The following ARMCX4 variants were observed in gnomAD, a reference collection of about 807,000 sequenced individuals.
ARMCX4 encodes the protein armadillo repeat-containing X-linked protein 4.
In ARMCX4, 3 loss-of-function variants were observed where a neutral mutation model predicts 34.7. The ratio of observed to expected loss-of-function variants is 0.09; its 90% CI spans 0.04 to 0.22. The LOEUF (loss-of-function observed/expected upper bound fraction) is 0.22. Among genes scored for constraint, ARMCX4 ranks in the 10% least tolerant of loss-of-function variants. ARMCX4 has a pLI of 1.00. For missense variants in ARMCX4, 1,448 were observed against 1,720.8 expected (o/e 0.84, Z 2.81); for synonymous variants, 513 against 632.8 (o/e 0.81, Z 2.84).
intron 2 of ARMCX4, among the ~76,000 whole-genome samples, chrX:101,431,607 A>C (rs1393694354): frequency 1.8e-5 from 2 of 111,282 alleles, no homozygotes; most frequent in East Asian, 2.8e-4. Flanking sequence ...GCAGTGGCAC[A>C]ATCTCGGCTC....
At chrX:101,438,495 G>T (rs1930976489) in intron 2 of ARMCX4, among the ~76,000 whole-genome samples, 1 of 111,060 alleles carries the variant, frequency 9.0e-6, no homozygotes, top group African/African-American at 3.3e-5. Context: ...AACCCGGGAG[G>T]CAGAGCTTGC....
chrX:101,487,958 A>G lies in ARMCX4; in HGVS notation c.-202-86A>G, dbSNP rs1556007294. On this transcript the variant is annotated intron_variant, in intron 4 of 5. Coordinates refer to ENST00000423738, the MANE Select transcript of ARMCX4 (RefSeq NM_001256155.3). ...CTAATAATATGTCTGTCCCATCAAG[A>G]ACAAACTCTCTACTCCCATCTGTCC... 6.2e-6 allele frequency: 3 copies of G among 486,296 alleles called. No individual in the cohort carries two copies. In the East Asian group the frequency reaches 2.7e-4, roughly 44 times the overall value. 40.1% of individuals were successfully genotyped at this position (486,296 alleles called of 1,213,427 possible). A position where few individuals can be genotyped will look rare whatever the true frequency, so the allele number is the denominator to read the frequency against.
intron 4 of ARMCX4, among the ~76,000 whole-genome samples, chrX:101,469,970 A>C (rs781985890): frequency 8.9e-6 from 1 of 112,186 alleles, no homozygotes; most frequent in South Asian, 3.8e-4. Flanking sequence ...ATGGCTGCAG[A>C]ACTGCCCCAG....
Position 101,495,129 on chromosome X carries a change from A to G in ARMCX4, c.6540A>G (p.Lys2180=). ...RLLTVGSGET[K]DHVLGMLLNF... ...TAACGGTGGGAAGTGGAGAAACTAAAGACCATGTTTTGGGAATGCTTTTGA... is the reference window on the plus strand; with the variant it reads ...TAACGGTGGGAAGTGGAGAAACTAAGGACCATGTTTTGGGAATGCTTTTGA... Residue 2180 remains lysine (K), a synonymous_variant, in exon 6 of 6, where the codon AAA becomes AAG. Transcript: ENST00000423738. 2 of 1,156,183 alleles carry G rather than the reference A, an allele frequency of 1.7e-6. No individual in the cohort carries two copies. The highest frequency in any genetic ancestry group is 3.8e-5 in the South Asian group (2 of 52,751).
At chrX:101,498,470 G>C (rs941137485), downstream of ARMCX4, 31 of 140,222 alleles carry the variant, frequency 2.2e-4, no homozygotes, top group Non-Finnish European at 4.0e-4. Context: ...AGAAATATGG[G>C]ATATATTAAA....
At chrX:101,529,734 T>TG (rs782797343) in intron 11 of ARMCX4, among the ~76,000 whole-genome samples, 4 of 112,180 alleles carry the variant, frequency 3.6e-5, no homozygotes, top group Non-Finnish European at 7.5e-5. Context: ...CATGAAAAAA[T>TG]GCTCATCATC....
At chrX:101,452,534 GGTTT>G (rs1932042844), downstream of ARMCX4, among the ~76,000 whole-genome samples, 1 of 110,915 alleles carries the variant, frequency 9.0e-6, no homozygotes, top group African/African-American at 3.3e-5. Context: ...TGGTTTTTTT[GGTTT>G]GTTTGTTTTT....
chrX:101,433,089 T>TGTATACATACACATATGTATACATAC, intron 2 of ARMCX4, among the ~76,000 whole-genome samples: 1 of 40,938 alleles, frequency 2.4e-5, no homozygotes, highest in African/African-American at 6.4e-5. Flanking sequence ...TGTATACATA[T>TGTATACATACACATATGTATACATAC]ATGTGTATAC....
intron 11 of ARMCX4, among the ~76,000 whole-genome samples, chrX:101,512,197 C>T (rs1323201494): frequency 2.7e-5 from 3 of 110,779 alleles, no homozygotes; most frequent in Non-Finnish European, 3.8e-5. Context: ...GCCTGGCCAG[C>T]ATGGCGAAAC....
In ARMCX4 at chrX:101,491,499, C is replaced by A; in HGVS notation, c.2910C>A (p.Gly970=). 1 of 1,155,703 alleles carries A rather than the reference C, an allele frequency of 8.7e-7. No individual in the cohort carries two copies. Among genetic ancestry groups the A allele is most frequent in the Non-Finnish European group, 1.1e-6 (1 of 872,756 alleles). ...CTGGGGCCAAAAATAAGGTCAGGGGCAATTCCAATGCTGTGCCTAAGGCAG... is the reference window on the plus strand; with the variant it reads ...CTGGGGCCAAAAATAAGGTCAGGGGAAATTCCAATGCTGTGCCTAAGGCAG... The part of the protein sequence containing the change: ...VLPGAKNKVR[G]NSNAVPKAEA... The change falls in exon 6 of 6, where the codon GGC becomes GGA. Residue 970 remains glycine, a synonymous_variant. Coordinates refer to ENST00000423738, the MANE Select transcript of ARMCX4 (RefSeq NM_001256155.3).
chrX:101,435,026 C>A (rs2147541414), intron 2 of ARMCX4, among the ~76,000 whole-genome samples: 1 of 111,315 alleles, frequency 9.0e-6, no homozygotes, highest in South Asian at 3.8e-4. Context: ...TTTTCTTAAT[C>A]CAGTCTATCA....
Position 101,493,446 on chromosome X carries a change from T to C in ARMCX4, c.4857T>C (p.Leu1619=). ...GGGGTGTGGCTGGTGGCCAGGTCCT[T>C]GGGGGAGCTAGGCCGGGGCCTGCAG... is the stretch of plus-strand genomic sequence containing the variant. ...GSWGVAGGQV[L]GGARPGPADQ... The change falls in exon 6 of 6, where the codon CTT becomes CTC. Residue 1619 remains leucine, a synonymous_variant. Coordinates refer to ENST00000423738, the MANE Select transcript of ARMCX4 (RefSeq NM_001256155.3). 1 of 1,154,287 alleles carries C rather than the reference T, an allele frequency of 8.7e-7. No homozygotes were observed. Among genetic ancestry groups the C allele is most frequent in the South Asian group, 1.9e-5 (1 of 52,650 alleles).
intron 2 of ARMCX4, among the ~76,000 whole-genome samples, chrX:101,435,817 TGTGTAAG>T (rs1397314826): frequency 9.0e-6 from 1 of 110,980 alleles, no homozygotes; most frequent in African/African-American, 3.3e-5. Flanking sequence ...AATTAATTTT[TGTGTAAG>T]GTGTAAGGAA....
chrX:101,454,377 A>T (rs905878340), intron 4 of ARMCX4, among the ~76,000 whole-genome samples: 1 of 106,904 alleles, frequency 9.4e-6, no homozygotes, highest in African/African-American at 3.4e-5. Context: ...CTGGGTTCAC[A>T]CCATTCTCCT....
upstream of ARMCX4, among the ~76,000 whole-genome samples, chrX:101,482,890 C>CTTTTTTTTTTTTTTTT (rs36075508): frequency 1.8e-5 from 1 of 54,728 alleles, no homozygotes; most frequent in Non-Finnish European, 3.0e-5. Flanking sequence ...TTGCGTCAGG[C>CTTTTTTTTTTTTTTTT]TTTTTTTTTT....
At chrX:101,437,746 A>T (rs1270239793) in intron 2 of ARMCX4, among the ~76,000 whole-genome samples, 4 of 111,467 alleles carry the variant, frequency 3.6e-5, no homozygotes, top group African/African-American at 1.3e-4. Flanking sequence ...TTAGGGTGTC[A>T]ATTTTAGATA....
At chrX:101,442,524 A>T (rs1184929289) in intron 2 of ARMCX4, among the ~76,000 whole-genome samples, 1 of 111,780 alleles carries the variant, frequency 8.9e-6, no homozygotes, top group Admixed American at 9.5e-5. Flanking sequence ...ATCCATGAGC[A>T]CACCCAAACC....
chrX:101,483,884 C>A (rs782427098), upstream of ARMCX4, among the ~76,000 whole-genome samples: 1 of 111,540 alleles, frequency 9.0e-6, no homozygotes, highest in Non-Finnish European at 1.9e-5. Flanking sequence ...CACAGTGGAG[C>A]CCCTCCCTCT....
chrX:101,493,783 G>A lies in ARMCX4; in HGVS notation c.5194G>A (p.Gly1732Arg). 8.7e-7 allele frequency: 1 copy of A among 1,154,170 alleles called. No homozygotes were observed. ...QVSFEVEANEGFWFGPGAEAV... is the reference protein window; with the variant it reads ...QVSFEVEANERFWFGPGAEAV... ...CAGTTTTGAGGTGGAGGCCAATGAA[G>A]GATTCTGGTTTGGGCCTGGAGCTGA... Residue 1732 changes from glycine to arginine, a missense_variant, in exon 6 of 6, where the codon GGA becomes AGA. Coordinates refer to ENST00000423738, the MANE Select transcript of ARMCX4 (RefSeq NM_001256155.3).
Sources: gnomAD v4.1 joint callset for allele counts (sites outside exome capture counted in the v4.1 genomes callset) on GRCh38, gnomAD v4.1.1 for gene constraint, MANE v1.5 for transcripts, NCBI Gene and HGNC (gene_info 2026-07-23, HGNC 2026-07-21) for gene names.